Variants in TMTC2 observed in about 807,000 individuals in gnomAD.
The protein encoded by TMTC2 is protein O-mannosyl-transferase TMTC2.
TMTC2 carries 43 observed loss-of-function variants against 82.4 expected under a neutral mutation model. That is an observed-to-expected ratio of 0.52 (90% CI 0.41 to 0.67). TMTC2 has a LOEUF of 0.67. Among genes scored for constraint, TMTC2 ranks in the 30% least tolerant of loss-of-function variants. The pLI is 0.00. For synonymous variants in TMTC2, 408 were observed against 381.9 expected (o/e 1.07, Z -0.80); for missense variants, 919 against 1,012.4 (o/e 0.91, Z 1.25).
chr12:83,036,291 A>G (rs1401983572), intron 9 of TMTC2, among the ~76,000 whole-genome samples: 1 of 152,126 alleles, frequency 6.6e-6, no homozygotes, highest in Non-Finnish European at 1.5e-5. Context: ...CAAATTGTAA[A>G]AATAGTAGTT....
chr12:82,700,068 G>A (rs1175484104), intron 1 of TMTC2, among the ~76,000 whole-genome samples: 1 of 152,082 alleles, frequency 6.6e-6, no homozygotes, highest in Non-Finnish European at 1.5e-5. Context: ...TTTATATAAG[G>A]TCCTTGAGCA....
At chr12:82,915,769 G>A (rs1874965666) in intron 3 of TMTC2, among the ~76,000 whole-genome samples, 1 of 152,190 alleles carries the variant, frequency 6.6e-6, no homozygotes, top group Non-Finnish European at 1.5e-5. Context: ...AATTGTGTTA[G>A]AAGCAAGCTG....
chr12:83,077,704 A>G (rs975314690), intron 11 of TMTC2, among the ~76,000 whole-genome samples: 13 of 152,044 alleles, frequency 8.6e-5, no homozygotes, highest in African/African-American at 2.9e-4. Context: ...CCTCCCAAGC[A>G]GCTGGGACTA....
chr12:83,008,221 G>T (rs762872570), intron 8 of TMTC2, among the ~76,000 whole-genome samples: 8 of 152,082 alleles, frequency 5.3e-5, no homozygotes, highest in Non-Finnish European at 8.8e-5. Flanking sequence ...TGAGTTTTTT[G>T]AATCTCTGGT....
intron 1 of TMTC2, among the ~76,000 whole-genome samples, chr12:82,790,121 G>A (rs147316956): frequency 2.0e-5 from 3 of 150,748 alleles, no homozygotes; most frequent in African/African-American, 7.3e-5. Context: ...AGGATGAATT[G>A]AGCTCACAGG....
At chr12:82,851,293 G>C (rs1275974445) in intron 1 of TMTC2, among the ~76,000 whole-genome samples, 1 of 151,976 alleles carries the variant, frequency 6.6e-6, no homozygotes, top group South Asian at 2.1e-4. Flanking sequence ...AGCCAGGTGT[G>C]GTGGTGGGCA....
intron 1 of TMTC2, among the ~76,000 whole-genome samples, chr12:82,756,810 G>T (rs181873110): frequency 6.6e-6 from 1 of 152,190 alleles, no homozygotes; most frequent in Admixed American, 6.5e-5. Flanking sequence ...TATACAGATG[G>T]GCAACTACGA....
chr12:83,132,129 A>C, intron 11 of TMTC2, 81 bp from the exon 12 acceptor site: 1 of 1,474,046 alleles, frequency 6.8e-7, no homozygotes, highest in East Asian at 2.3e-5. Flanking sequence ...TTATTTGCAT[A>C]AGTGGATGAA....
chr12:82,696,088 G>A (rs2136890577), intron 1 of TMTC2, among the ~76,000 whole-genome samples: 1 of 152,278 alleles, frequency 6.6e-6, no homozygotes, highest in Non-Finnish European at 1.5e-5. Flanking sequence ...TTCTCCCAAA[G>A]CAATGGAAAA....
intron 1 of TMTC2, among the ~76,000 whole-genome samples, chr12:82,843,321 A>T (rs1214575430): frequency 1.3e-5 from 2 of 151,956 alleles, no homozygotes; most frequent in African/African-American, 4.8e-5. Context: ...TCCTGACTTC[A>T]AGTGATCTGC....
chr12:82,689,261 G>A (rs7975647), intron 1 of TMTC2, among the ~76,000 whole-genome samples: 24,609 of 149,680 alleles, frequency 0.16, 2,263 homozygotes, highest in East Asian at 0.36. Context: ...TGTTGGGGGC[G>A]GTTTGAATAG....
chr12:82,912,209 A>T (rs1356198141), intron 3 of TMTC2, among the ~76,000 whole-genome samples: 1 of 152,232 alleles, frequency 6.6e-6, no homozygotes, highest in African/African-American at 2.4e-5. Flanking sequence ...TGTAGAAAGA[A>T]GGAACTGGGT....
intron 11 of TMTC2, among the ~76,000 whole-genome samples, chr12:83,068,115 C>G (rs1234243405): frequency 6.6e-6 from 1 of 151,974 alleles, no homozygotes; most frequent in Non-Finnish European, 1.5e-5. Context: ...TGACAAAAAG[C>G]AGCTGTGTTA....
In TMTC2 at chr12:82,857,017, A is replaced by G. The variant is rs188361190; in HGVS notation, c.91A>G (p.Ile31Val). The change falls in exon 2 of 12, where the codon ATC (isoleucine) becomes GTC (valine). Residue 31 changes from isoleucine to valine, a missense_variant. By Grantham distance (29) the Ile-to-Val change is conservative. Transcript: ENST00000321196. ...ADFCYDDSRA[I>V]KTNQDLLPET... ...TAACGTTTTGTTTTTTAGCCGTGCT[A>G]TCAAGACTAATCAGGACCTTCTCCC... The G allele has an allele frequency of 9.7e-5, 157 of 1,611,280 alleles. No homozygotes were observed. In the Middle Eastern group the frequency reaches 1.3e-3, roughly 14 times the overall value.
chr12:82,745,050 C>T (rs935887279), intron 1 of TMTC2, among the ~76,000 whole-genome samples: 2 of 151,994 alleles, frequency 1.3e-5, no homozygotes, highest in African/African-American at 4.8e-5. Context: ...GATTGAAGAA[C>T]TCCTCAGAAT....
At chr12:82,945,345 C>T (rs1478284591) in intron 4 of TMTC2, among the ~76,000 whole-genome samples, 1 of 152,174 alleles carries the variant, frequency 6.6e-6, no homozygotes, top group East Asian at 1.9e-4. Context: ...TGGTGAAAGA[C>T]ATTTTTCTGC....
chr12:83,050,674 T>C (rs758815301), intron 9 of TMTC2, among the ~76,000 whole-genome samples: 1 of 150,558 alleles, frequency 6.6e-6, no homozygotes, highest in Non-Finnish European at 1.5e-5. Context: ...TGCTGAATAG[T>C]CTATAGACGA....
chr12:82,863,757 C>T (rs974014328), intron 2 of TMTC2, among the ~76,000 whole-genome samples: 5 of 152,092 alleles, frequency 3.3e-5, no homozygotes, highest in African/African-American at 1.2e-4. Context: ...AAAAATTCAT[C>T]TTTGTGCCAA....
At chr12:82,687,844 C>T (rs1403194295) in intron 1 of TMTC2, among the ~76,000 whole-genome samples, 175 bp downstream of exon 1, 1 of 152,108 alleles carries the variant, frequency 6.6e-6, no homozygotes, top group Non-Finnish European at 1.5e-5. Context: ...GTGAGGCGCG[C>T]TGGGCGGGCC....
Sources: allele counts gnomAD v4.1 joint callset (sites outside exome capture counted in the v4.1 genomes callset), GRCh38; gene constraint gnomAD v4.1.1; transcripts MANE v1.5; gene names NCBI Gene and HGNC (gene_info 2026-07-23, HGNC 2026-07-21).